The following PAM variants were observed in gnomAD, a reference collection of about 807,000 sequenced individuals.
PAM encodes the protein peptidyl-glycine alpha-amidating monooxygenase.
PAM carries 72 observed loss-of-function variants against 122.1 expected under a neutral mutation model. The observed-to-expected ratio is 0.59, with a 90% CI of 0.49 to 0.72. PAM has a LOEUF of 0.72. Ranked by LOEUF, PAM falls within the 30% of genes least tolerant of loss-of-function variation. The pLI, the probability that PAM is intolerant of heterozygous loss-of-function variation, is 0.00. For missense variants in PAM, 1,106 were observed against 1,183.7 expected, an observed-to-expected ratio of 0.93 and a Z score of 0.96; for synonymous variants, 389 against 404.4, an observed-to-expected ratio of 0.96 and a Z score of 0.46.
chr5:102,913,898 T>C, intron 4 of PAM, 36 bp from the exon 5 acceptor site: 6 of 1,147,706 alleles, frequency 5.2e-6, no homozygotes, highest in Non-Finnish European at 8.0e-6. Flanking sequence ...GAAGTGTAAC[T>C]TGTATTCACA....
chr5:102,920,871 A>G (rs1352456411), intron 5 of PAM, among the ~76,000 whole-genome samples: 2 of 152,114 alleles, frequency 1.3e-5, no homozygotes, highest in East Asian at 3.9e-4. Context: ...TGGATTTTAA[A>G]TAGCCTTTAA....
intron 1 of PAM, among the ~76,000 whole-genome samples, chr5:102,831,003 A>G (rs534512030): frequency 6.8e-4 from 104 of 152,210 alleles, no homozygotes; most frequent in Non-Finnish European, 1.1e-3. Context: ...AGTAGTTACT[A>G]ACCCAAAGAC....
intron 3 of PAM, among the ~76,000 whole-genome samples, chr5:102,888,247 A>G (rs1681058219): frequency 6.6e-6 from 1 of 151,804 alleles, no homozygotes; most frequent in Non-Finnish European, 1.5e-5. Context: ...CTCTCCAATT[A>G]TAGACTTAAT....
intron 1 of PAM, among the ~76,000 whole-genome samples, chr5:102,788,381 T>G (rs1761135259): frequency 1.3e-5 from 2 of 152,144 alleles, no homozygotes; most frequent in Admixed American, 1.3e-4. Context: ...AATAGCTTTG[T>G]CATGCCACTG....
rs116684409 is a variant in PAM, at chr5:102,783,828, C to T, written c.-374+28480C>T. On this transcript the variant is annotated intron_variant, in intron 1 of 25. Transcript: ENST00000438793. ...CTGGAGGGTGACAGCCTCAGGAAGA[C>T]CTAATTGTAGAACACTTGAATGGTT... 4.1e-3 allele frequency among the ~76,000 whole-genome samples: 620 copies of T among 152,206 alleles called. 3 individuals carry two copies. The highest frequency in any genetic ancestry group is 0.014 in the African/African-American group (598 of 41,518).
chr5:103,007,717 G>C, intron 20 of PAM, 60 bp downstream of exon 20: 1 of 1,085,136 alleles, frequency 9.2e-7, no homozygotes, highest in Non-Finnish European at 1.4e-6. Context: ...CTTAAAAATT[G>C]TGTTATCTTA....
intron 1 of PAM, among the ~76,000 whole-genome samples, chr5:102,860,912 T>TG (rs1783992528): frequency 6.6e-6 from 1 of 152,094 alleles, no homozygotes; most frequent in South Asian, 2.1e-4. Context: ...ATTCATGCCC[T>TG]GGGTGGTCTT....
intron 1 of PAM, among the ~76,000 whole-genome samples, chr5:102,760,664 A>G (rs1432143655): frequency 6.6e-6 from 1 of 152,194 alleles, no homozygotes; most frequent in East Asian, 1.9e-4. Context: ...GCTGGTTTAA[A>G]GCTTCAAATT....
intron 7 of PAM, among the ~76,000 whole-genome samples, chr5:102,934,076 G>A (rs993678257): frequency 2.0e-5 from 3 of 151,942 alleles, no homozygotes; most frequent in Admixed American, 6.6e-5. Flanking sequence ...TATGGGCCAG[G>A]ATATTTAAGC....
chr5:102,913,693 A>G (rs961469485), intron 4 of PAM, among the ~76,000 whole-genome samples: 3 of 151,922 alleles, frequency 2.0e-5, no homozygotes, highest in African/African-American at 7.2e-5. Context: ...CCATTTTAAA[A>G]ATGTGTGTGT....
At chr5:102,884,106 G>A (rs941633566) in intron 3 of PAM, among the ~76,000 whole-genome samples, 7 of 151,950 alleles carry the variant, frequency 4.6e-5, no homozygotes, top group Admixed American at 3.3e-4. Flanking sequence ...CTAGCAAGGA[G>A]TAAGTTATAA....
chr5:102,844,656 G>A (rs1779523674), intron 1 of PAM, among the ~76,000 whole-genome samples: 1 of 152,008 alleles, frequency 6.6e-6, no homozygotes, highest in Non-Finnish European at 1.5e-5. Context: ...AATAGAGCAA[G>A]ACTCTGTCTC....
intron 16 of PAM, among the ~76,000 whole-genome samples, chr5:102,998,884 A>C (rs1320346445): frequency 6.6e-6 from 1 of 152,214 alleles, no homozygotes; most frequent in Non-Finnish European, 1.5e-5. Context: ...ACCTTGCATT[A>C]GTTCCTTCTC....
intron 1 of PAM, among the ~76,000 whole-genome samples, chr5:102,808,496 A>G (rs1766886000): frequency 6.6e-6 from 1 of 152,208 alleles, no homozygotes; most frequent in African/African-American, 2.4e-5. Flanking sequence ...GTAAACAGCA[A>G]TAGCTTTTTA....
intron 3 of PAM, among the ~76,000 whole-genome samples, chr5:102,869,844 G>C (rs1483406971): frequency 6.6e-6 from 1 of 151,738 alleles, no homozygotes; most frequent in African/African-American, 2.4e-5. Flanking sequence ...AAGAGGAAAG[G>C]AGGTGAAAAA....
rs535062148 is a variant in PAM at position 102,932,228 on chromosome 5, G to T, written c.526+5560G>T. 8.3e-4 allele frequency among the ~76,000 whole-genome samples: 126 copies of T among 152,220 alleles called. 1 individual carries two copies. The highest frequency in any genetic ancestry group is 2.8e-3 in the African/African-American group (117 of 41,540). The stretch of plus-strand genomic sequence containing the variant: ...TTATGTGTCTTTCCTGGGCACAGTG[G>T]CTCACGCCTGTAATCTCAGGAGGCC... On this transcript the variant is annotated intron_variant, in intron 7 of 25. Coordinates refer to ENST00000438793, the MANE Select transcript of PAM (RefSeq NM_001177306.2).
At chr5:102,927,988 A>G (rs1178361702) in intron 7 of PAM, among the ~76,000 whole-genome samples, 1 of 152,224 alleles carries the variant, frequency 6.6e-6, no homozygotes, top group Non-Finnish European at 1.5e-5. Flanking sequence ...GAACAAAGAC[A>G]GAGATTATCT....
chr5:102,855,849 G>A (rs540064847), intron 1 of PAM, among the ~76,000 whole-genome samples: 19 of 152,054 alleles, frequency 1.2e-4, no homozygotes, highest in African/African-American at 4.3e-4. Flanking sequence ...CTTACATGCG[G>A]TTACCCTCCC....
Position 103,028,964 on chromosome 5 carries a change from C to A in PAM, c.2821C>A (p.Leu941Ile). Residue 941 changes from leucine (L) to isoleucine (I), a missense_variant, in exon 26 of 26, where the codon CTT becomes ATT. By Grantham distance (5) the Leu-to-Ile change is conservative. Around this residue, in one of 3 missense-constraint regions of PAM, gnomAD observed 333 missense variants for 335.6 expected, o/e 0.99. Coordinates refer to ENST00000438793, the MANE Select transcript of PAM (RefSeq NM_001177306.2). ...CTACAGTCGAAAAGGGTTTGACCGG[C>A]TTAGCACTGAGGGCAGTGACCAAGA... ...KGYSRKGFDR[L>I]STEGSDQEKE... The A allele has an allele frequency of 6.2e-7, 1 of 1,613,740 alleles. No homozygotes were observed. The highest frequency in any genetic ancestry group is 8.5e-7 in the Non-Finnish European group (1 of 1,179,688).
Sources: allele counts gnomAD v4.1 joint callset (sites outside exome capture counted in the v4.1 genomes callset), GRCh38; gene constraint gnomAD v4.1.1; regional missense constraint gnomAD v4.1.1; transcripts MANE v1.5; gene names NCBI Gene and HGNC (gene_info 2026-07-23, HGNC 2026-07-21).